CPEB1: variants seen among roughly 807,000 people sequenced by gnomAD.
CPEB1 encodes the protein cytoplasmic polyadenylation element binding protein 1, also known as cytoplasmic polyadenylation element-binding protein 1.
A neutral mutation model predicts 65.8 loss-of-function variants in CPEB1; 7 were observed. The ratio of observed to expected loss-of-function variants is 0.11; its 90% CI spans 0.06 to 0.20. The LOEUF (loss-of-function observed/expected upper bound fraction) is 0.20. CPEB1 is among the 10% of genes least tolerant of loss of function. The pLI is 1.00. For synonymous variants in CPEB1, 262 were observed against 260.0 expected, an observed-to-expected ratio of 1.01 and a Z score of -0.08; for missense variants, 551 against 712.2, an observed-to-expected ratio of 0.77 and a Z score of 2.58.
chr15:82,557,747 A>G lies in CPEB1; in HGVS notation c.687+13T>C. The stretch of plus-strand genomic sequence containing the variant: ...TCCACCCACAACTCCCCTTTCCCAA[A>G]TGAGTTACATACAATCAAATCTGAG... On this transcript the variant is annotated intron_variant, in intron 5 of 12. Coordinates refer to ENST00000684509, the MANE Select transcript of CPEB1 (RefSeq NM_001365242.1). 2.5e-6 allele frequency: 4 copies of G among 1,611,234 alleles called. No individual in the cohort carries two copies. The highest frequency in any genetic ancestry group is 1.3e-5 in the African/African-American group (1 of 74,960).
rs990486323 is a variant in CPEB1, at chr15:82,543,427, G to A, written c.*1165C>T. 8 of 150,030 alleles carry A rather than the reference G, an allele frequency of 5.3e-5. No homozygotes were observed. The highest frequency in any genetic ancestry group is 1.5e-4 in the African/African-American group (6 of 40,446). The allele number at this position is 150,030 out of a possible 1,614,324, so 9.3% of individuals were successfully genotyped here. ...TTTGGCACACAGCTTCCCTAGGAGG[G>A]GCAAGTAGTTTTTGTGGGTTTTTTG... On this transcript the variant is annotated 3_prime_UTR_variant, in exon 13 of 13. Coordinates refer to ENST00000684509, the MANE Select transcript of CPEB1 (RefSeq NM_001365242.1).
At chr15:82,595,974 G>A (rs1307254428) in intron 3 of CPEB1, among the ~76,000 whole-genome samples, 2 of 152,134 alleles carry the variant, frequency 1.3e-5, no homozygotes, top group African/African-American at 4.8e-5. Context: ...AGGGGGCCGA[G>A]GGACATGTGA....
intron 1 of CPEB1, among the ~76,000 whole-genome samples, chr15:82,635,590 TC>T (rs1436952772): frequency 6.6e-6 from 1 of 152,206 alleles, no homozygotes; most frequent in East Asian, 1.9e-4. Flanking sequence ...TTCACATAGT[TC>T]AACCTAATAT....
At chr15:82,599,816 A>G (rs1162858516) in intron 3 of CPEB1, among the ~76,000 whole-genome samples, 1 of 152,206 alleles carries the variant, frequency 6.6e-6, no homozygotes, top group Non-Finnish European at 1.5e-5. Flanking sequence ...TAAAATTTAA[A>G]ACCTCAAAGA....
intron 3 of CPEB1, among the ~76,000 whole-genome samples, chr15:82,598,141 C>T (rs2042804479): frequency 6.6e-6 from 1 of 152,218 alleles, no homozygotes; most frequent in South Asian, 2.1e-4. Context: ...CATAAACCTA[C>T]ACAGCATTTG....
intron 3 of CPEB1, among the ~76,000 whole-genome samples, chr15:82,611,348 T>C (rs1366748580): frequency 1.3e-5 from 2 of 152,038 alleles, no homozygotes; most frequent in Non-Finnish European, 2.9e-5. Context: ...GAAAAATAAA[T>C]ATACTTATGA....
At chr15:82,553,210 A>T (rs2036581061) in intron 8 of CPEB1, among the ~76,000 whole-genome samples, 3 of 152,132 alleles carry the variant, frequency 2.0e-5, no homozygotes, top group Admixed American at 2.0e-4. Flanking sequence ...GTTTAGAGAG[A>T]AGTGTACAAG....
At chr15:82,603,176 A>C (rs1205431199) in intron 3 of CPEB1, among the ~76,000 whole-genome samples, 2 of 152,002 alleles carry the variant, frequency 1.3e-5, no homozygotes, top group African/African-American at 4.8e-5. Flanking sequence ...CACAGCAAAA[A>C]TTAGCAGCCT....
At chr15:82,626,933 T>C (rs1158599143) in intron 3 of CPEB1, among the ~76,000 whole-genome samples, 1 of 152,262 alleles carries the variant, frequency 6.6e-6, no homozygotes. Context: ...TCTCTTTATA[T>C]AAATACTTGT....
intron 3 of CPEB1, among the ~76,000 whole-genome samples, chr15:82,616,141 T>C (rs1043876451): frequency 6.6e-6 from 1 of 151,910 alleles, no homozygotes; most frequent in Non-Finnish European, 1.5e-5. Context: ...TTAAAACATA[T>C]GACAATCAGG....
chr15:82,647,964 C>G, upstream of CPEB1: 7 of 1,009,984 alleles, frequency 6.9e-6, no homozygotes, highest in Non-Finnish European at 7.6e-6. Context: ...TGCAGCGGGC[C>G]GCGCGCAGCC....
intron 1 of CPEB1, among the ~76,000 whole-genome samples, chr15:82,644,518 A>G (rs917721395): frequency 2.0e-5 from 3 of 152,184 alleles, no homozygotes; most frequent in Non-Finnish European, 4.4e-5. Flanking sequence ...CATTAAAGAC[A>G]TGTTACATTT....
intron 12 of CPEB1, among the ~76,000 whole-genome samples, 187 bp downstream of exon 12, chr15:82,546,254 C>T (rs2035187526): frequency 1.3e-5 from 2 of 152,244 alleles, no homozygotes; most frequent in Middle Eastern, 3.4e-3. Context: ...GGATTACAGG[C>T]GCCTGCCACC....
intron 6 of CPEB1, among the ~76,000 whole-genome samples, chr15:82,555,106 G>T (rs895422897): frequency 1.1e-4 from 17 of 152,228 alleles, no homozygotes; most frequent in Admixed American, 6.5e-4. Context: ...AGAGCCAGTG[G>T]TTAATGAATA....
chr15:82,549,260 G>A (rs553535902), intron 10 of CPEB1, among the ~76,000 whole-genome samples, 200 bp downstream of exon 10: 2 of 152,230 alleles, frequency 1.3e-5, no homozygotes, highest in East Asian at 1.9e-4. Context: ...CTCCCACTGC[G>A]TGGGAGATGG....
chr15:82,574,201 A>C (rs140321321), intron 3 of CPEB1, among the ~76,000 whole-genome samples: 1 of 152,136 alleles, frequency 6.6e-6, no homozygotes, highest in Admixed American at 6.5e-5. Flanking sequence ...TTTCTTCTAG[A>C]TAAAGATTTT....
At chr15:82,615,778 A>G (rs1197670406) in intron 3 of CPEB1, among the ~76,000 whole-genome samples, 1 of 152,200 alleles carries the variant, frequency 6.6e-6, no homozygotes, top group African/African-American at 2.4e-5. Context: ...ACTTTGAAAA[A>G]GTACCCAGCA....
At chr15:82,608,483 G>A (rs544939444) in intron 3 of CPEB1, among the ~76,000 whole-genome samples, 1 of 152,272 alleles carries the variant, frequency 6.6e-6, no homozygotes, top group South Asian at 2.1e-4. Context: ...CTGTGATGCA[G>A]GTTGCTGGTT....
chr15:82,583,463 C>G (rs2041487245), intron 3 of CPEB1: 1 of 152,158 alleles, frequency 6.6e-6, no homozygotes, highest in South Asian at 2.1e-4. Flanking sequence ...ACGACTGCAT[C>G]TACATAATAT....
Sources: allele counts gnomAD v4.1 joint callset (sites outside exome capture counted in the v4.1 genomes callset), GRCh38; gene constraint gnomAD v4.1.1; transcripts MANE v1.5; gene names NCBI Gene and HGNC (gene_info 2026-07-23, HGNC 2026-07-21).